PCDH9: variants seen among roughly 807,000 people sequenced by gnomAD.
PCDH9 encodes the protein protocadherin 9, also known as protocadherin-9.
PCDH9 carries 24 observed loss-of-function variants against 70.6 expected under a neutral mutation model. The observed-to-expected ratio is 0.34, with a 90% CI of 0.25 to 0.48. The LOEUF is 0.48. PCDH9 is among the 20% of genes least tolerant of loss of function. The probability of loss-of-function intolerance (pLI) is 0.99; values close to 1 mark genes in which losing one functional copy is unlikely to be tolerated. For synonymous variants in PCDH9, 562 were observed against 558.5 expected (o/e 1.01, Z -0.09); for missense variants, 1,281 against 1,503.6 (o/e 0.85, Z 2.45).
At chr13:66,464,982 A>G (rs1332637802) in intron 4 of PCDH9, among the ~76,000 whole-genome samples, 1 of 151,950 alleles carries the variant, frequency 6.6e-6, no homozygotes, top group African/African-American at 2.4e-5. Flanking sequence ...GCTATATTGA[A>G]CACATATTTT....
chr13:67,128,019 T>C (rs1413369570), intron 2 of PCDH9, among the ~76,000 whole-genome samples: 1 of 152,154 alleles, frequency 6.6e-6, no homozygotes, highest in East Asian at 1.9e-4. Flanking sequence ...TCAAAGTAAT[T>C]AGCTTGTTAG....
intron 2 of PCDH9, among the ~76,000 whole-genome samples, chr13:66,926,214 T>A (rs1167446508): frequency 2.0e-5 from 3 of 152,060 alleles, no homozygotes. Flanking sequence ...CATTAAATGA[T>A]GTTGGAAATA....
At chr13:66,939,664 C>CA (rs1418273227) in intron 2 of PCDH9, among the ~76,000 whole-genome samples, 17 of 152,050 alleles carry the variant, frequency 1.1e-4, no homozygotes, top group Non-Finnish European at 2.4e-4. Flanking sequence ...GTGATCCACC[C>CA]ACCTCAGCCT....
At chr13:66,517,378 C>G (rs1293678687) in intron 4 of PCDH9, among the ~76,000 whole-genome samples, 1 of 152,082 alleles carries the variant, frequency 6.6e-6, no homozygotes. Flanking sequence ...CAGAATGCTA[C>G]ACATTTGGGT....
intron 4 of PCDH9, among the ~76,000 whole-genome samples, chr13:66,530,515 G>C (rs1468167076): frequency 6.6e-6 from 1 of 151,438 alleles, no homozygotes; most frequent in Non-Finnish European, 1.5e-5. Flanking sequence ...ACAGAACTAT[G>C]ACATTAAATA....
intron 4 of PCDH9, among the ~76,000 whole-genome samples, chr13:66,357,335 A>G (rs889512578): frequency 6.6e-6 from 1 of 152,010 alleles, no homozygotes; most frequent in Non-Finnish European, 1.5e-5. Context: ...CATGGTTGAA[A>G]TCAGATATTC....
chr13:66,555,038 A>G (rs1961665454), intron 4 of PCDH9, among the ~76,000 whole-genome samples: 1 of 152,070 alleles, frequency 6.6e-6, no homozygotes, highest in Admixed American at 6.6e-5. Flanking sequence ...GTGTGGTGGC[A>G]CATGCCTGTA....
chr13:66,309,960 T>C, intron 4 of PCDH9, among the ~76,000 whole-genome samples: 1 of 151,992 alleles, frequency 6.6e-6, no homozygotes, highest in East Asian at 1.9e-4. Flanking sequence ...ATAAATACTT[T>C]CTATAATTTT....
intron 2 of PCDH9, among the ~76,000 whole-genome samples, chr13:66,930,275 C>A (rs539994809): frequency 1.8e-4 from 28 of 152,136 alleles, no homozygotes; most frequent in African/African-American, 6.3e-4. Context: ...ACAAAATGAC[C>A]AAAATTTATT....
intron 3 of PCDH9, among the ~76,000 whole-genome samples, chr13:66,688,027 C>G (rs550831895): frequency 1.3e-4 from 20 of 152,180 alleles, no homozygotes; most frequent in African/African-American, 4.8e-4. Context: ...CTGTACTTTT[C>G]AATATTACCC....
chr13:67,022,106 CTTTTTTTTTTTTTTTTTTTTTTTTTTT>C (rs71110623), intron 2 of PCDH9, among the ~76,000 whole-genome samples: 6 of 35,408 alleles, frequency 1.7e-4, no homozygotes, highest in Middle Eastern at 0.022. Context: ...AGGTGATGTT[CTTTTTTTTTTTTTTTTTTTTTTTTTTT>C]TTTTTTTTTT....
At chr13:66,824,832 G>A (rs1223431362) in intron 3 of PCDH9, among the ~76,000 whole-genome samples, 1 of 151,324 alleles carries the variant, frequency 6.6e-6, no homozygotes, top group African/African-American at 2.4e-5. Flanking sequence ...AGACAATGGA[G>A]CGTATTCCAG....
chr13:66,885,427 A>G (rs569114308), intron 3 of PCDH9, among the ~76,000 whole-genome samples: 1 of 152,320 alleles, frequency 6.6e-6, no homozygotes, highest in East Asian at 1.9e-4. Flanking sequence ...TAGTACATGT[A>G]TGTTAAATTG....
At chr13:66,893,995 G>C (rs1351074901) in intron 3 of PCDH9, among the ~76,000 whole-genome samples, 1 of 151,960 alleles carries the variant, frequency 6.6e-6, no homozygotes, top group Non-Finnish European at 1.5e-5. Context: ...AAATCCATTA[G>C]TTATTTCATA....
intron 2 of PCDH9, among the ~76,000 whole-genome samples, chr13:66,933,777 T>TA (rs1156397341): frequency 1.3e-5 from 2 of 151,864 alleles, no homozygotes; most frequent in Non-Finnish European, 2.9e-5. Flanking sequence ...CTGTAAATAT[T>TA]AGTTAGAAAA....
chr13:66,878,976 G>A (rs967708174), intron 3 of PCDH9, among the ~76,000 whole-genome samples: 1 of 152,168 alleles, frequency 6.6e-6, no homozygotes. Context: ...ATGCATCAGT[G>A]TGAATAACGT....
chr13:66,588,841 T>A (rs985042151), intron 4 of PCDH9, among the ~76,000 whole-genome samples: 5 of 151,566 alleles, frequency 3.3e-5, no homozygotes, highest in African/African-American at 2.4e-5. Flanking sequence ...AAACTACAGA[T>A]AAAAATTCCA....
At chr13:66,869,768 C>T (rs1384911721) in intron 3 of PCDH9, among the ~76,000 whole-genome samples, 1 of 152,112 alleles carries the variant, frequency 6.6e-6, no homozygotes, top group African/African-American at 2.4e-5. Context: ...ACCCCCAGCA[C>T]ACAAACATAT....
intron 3 of PCDH9, among the ~76,000 whole-genome samples, chr13:66,676,107 G>C (rs1368115560): frequency 6.6e-6 from 1 of 152,046 alleles, no homozygotes; most frequent in African/African-American, 2.4e-5. Flanking sequence ...TCATTTGTCA[G>C]TCTCTGTGTT....
Sources: gnomAD v4.1 joint callset for allele counts (sites outside exome capture counted in the v4.1 genomes callset) on GRCh38, gnomAD v4.1.1 for gene constraint, MANE v1.5 for transcripts, NCBI Gene and HGNC (gene_info 2026-07-23, HGNC 2026-07-21) for gene names.